The following LENG8 variants were observed in gnomAD, a reference collection of about 807,000 sequenced individuals.
LENG8 encodes leukocyte receptor cluster member 8.
LENG8 carries 28 observed loss-of-function variants against 102.1 expected under a neutral mutation model. The observed-to-expected ratio is 0.27, with a 90% CI of 0.20 to 0.38. The LOEUF (loss-of-function observed/expected upper bound fraction) is 0.38, where lower values mean the gene tolerates loss of function less well. Among genes scored for constraint, LENG8 ranks in the 10% least tolerant of loss-of-function variants. The pLI, the probability that LENG8 is intolerant of heterozygous loss-of-function variation, is 1.00. For synonymous variants in LENG8, 531 were observed against 456.7 expected, an observed-to-expected ratio of 1.16 and a Z score of -2.07; for missense variants, 1,022 against 1,113.9, an observed-to-expected ratio of 0.92 and a Z score of 1.17.
Position 54,455,059 on chromosome 19 carries a change from C to T in LENG8, c.788C>T (p.Pro263Leu). Residue 263 changes from proline (P) to leucine (L), a missense_variant, in exon 7 of 16, where the codon CCC becomes CTC. Coordinates refer to ENST00000326764, the MANE Select transcript of LENG8 (RefSeq NM_052925.4). Reference protein sequence around the residue: ...NAEGQHSGFGPQPNPEKVQNH... With the variant: ...NAEGQHSGFGLQPNPEKVQNH... The stretch of plus-strand genomic sequence containing the variant: ...GAGGGCCAGCACAGTGGTTTTGGCC[C>T]CCAGCCCAACCCTGAGAAAGTTCAG... 6.2e-7 allele frequency: 1 copy of T among 1,614,200 alleles called. No homozygotes were observed. Among genetic ancestry groups the T allele is most frequent in the Non-Finnish European group, 8.5e-7 (1 of 1,180,034 alleles).
At position 54,461,834 on chromosome 19, in the gene LENG8, T is replaced by C; in HGVS notation, c.*906T>C. 2.1e-6 allele frequency: 1 copy of C among 469,306 alleles called. No homozygotes were observed. Among genetic ancestry groups the C allele is most frequent in the Non-Finnish European group, 4.4e-6 (1 of 228,500 alleles). 29.1% of individuals were successfully genotyped at this position (469,306 alleles called of 1,614,324 possible). On this transcript the variant is annotated 3_prime_UTR_variant, in exon 16 of 16. Coordinates refer to ENST00000326764, the MANE Select transcript of LENG8 (RefSeq NM_052925.4). Reference sequence around the variant, plus strand: ...CTCCCTCCCTCTTCTGCCATGTAACTGGAGGATGTGCTATGAGTTTGCAAA... The same window carrying C: ...CTCCCTCCCTCTTCTGCCATGTAACCGGAGGATGTGCTATGAGTTTGCAAA...
chr19:54,457,150 C>G (rs1304689300), intron 11 of LENG8, among the ~76,000 whole-genome samples: 1 of 152,272 alleles, frequency 6.6e-6, no homozygotes, highest in Non-Finnish European at 1.5e-5. Context: ...CGCTTGACCT[C>G]TGGGCCGTGG....
intron 15 of LENG8, chr19:54,460,163 T>C: frequency 7.8e-7 from 1 of 1,289,980 alleles, no homozygotes; most frequent in African/African-American, 1.5e-5. Flanking sequence ...TAGGACTTAG[T>C]GCCCCTCACT....
intron 15 of LENG8, chr19:54,459,973 T>G: frequency 8.2e-7 from 1 of 1,225,252 alleles, no homozygotes; most frequent in South Asian, 1.4e-5. Flanking sequence ...TGGCCTTGGT[T>G]GGGAACATAG....
intron 1 of LENG8, 112 bp downstream of exon 1, chr19:54,449,422 A>C (rs2123026935): frequency 6.6e-6 from 1 of 152,086 alleles, no homozygotes. Context: ...GCCGCGCGCG[A>C]GCGTCGACAG....
At position 54,461,285 on chromosome 19, in the gene LENG8, A is replaced by G. The variant is rs931090709; in HGVS notation, c.*357A>G. 1.3e-5 allele frequency: 6 copies of G among 474,674 alleles called. No individual in the cohort carries two copies. The highest frequency in any genetic ancestry group is 2.1e-5 in the Non-Finnish European group (5 of 242,256). The allele number at this position is 474,674 out of a possible 1,614,324, so 29.4% of individuals were successfully genotyped here. On this transcript the variant is annotated 3_prime_UTR_variant, in exon 16 of 16. Coordinates refer to ENST00000326764, the MANE Select transcript of LENG8 (RefSeq NM_052925.4). ...GGTACCCGACCCGGCGCCCTGGCCCATCCCATGCCGGGGGGCCAGTGGAAA... is the reference window on the plus strand; with the variant it reads ...GGTACCCGACCCGGCGCCCTGGCCCGTCCCATGCCGGGGGGCCAGTGGAAA...
In LENG8 at chr19:54,452,203, G is replaced by T; in HGVS notation, c.149G>T (p.Ser50Ile). 3 of 1,614,096 alleles carry T rather than the reference G, an allele frequency of 1.9e-6. No homozygotes were observed. Among genetic ancestry groups the T allele is most frequent in the Non-Finnish European group, 2.5e-6 (3 of 1,180,010 alleles). ...EKARQALASISKSGAAGGSAK... is the reference protein window; with the variant it reads ...EKARQALASIIKSGAAGGSAK... ...GCCCGTCAGGCCCTGGCCAGCATCA[G>T]CAAGTCAGGAGCTGCCGGCGGCTCT... The change falls in exon 3 of 16, where the codon AGC becomes ATC. Residue 50 changes from serine to isoleucine, a missense_variant. Physicochemically the swap from Ser to Ile is moderately radical, Grantham distance 142. Around this residue, in one of 7 missense-constraint regions of LENG8, gnomAD observed 343 missense variants for 320.2 expected, o/e 1.07. Transcript: ENST00000326764.
chr19:54,460,265 T>TGCTC, intron 15 of LENG8: 1 of 1,277,738 alleles, frequency 7.8e-7, no homozygotes, highest in Non-Finnish European at 1.0e-6. Context: ...TCGTGCTAGA[T>TGCTC]GCTCAGTCAG....
At chr19:54,460,573 C>A in intron 15 of LENG8, 193 bp from the exon 16 acceptor site, 1 of 1,410,574 alleles carries the variant, frequency 7.1e-7, no homozygotes. Context: ...GCACAGGGGA[C>A]TGGGGTCACT....
chr19:54,452,155 A>G lies in LENG8; in HGVS notation c.101A>G (p.His34Arg), dbSNP rs774110417. Residue 34 changes from histidine to arginine, a missense_variant, in exon 3 of 16, where the codon CAC becomes CGC. Around this residue, in one of 7 missense-constraint regions of LENG8, gnomAD observed 5 missense variants for 23.0 expected, o/e 0.22. Coordinates refer to ENST00000326764, the MANE Select transcript of LENG8 (RefSeq NM_052925.4). ...GAGAATGGCATGGAGACGCCGATGC[A>G]CGAGAACCCGGAGTGGGAGAAGGCC... is the stretch of plus-strand genomic sequence containing the variant. ...GRENGMETPM[H>R]ENPEWEKARQ... 6.2e-7 allele frequency: 1 copy of G among 1,614,154 alleles called. No homozygotes were observed. Among genetic ancestry groups the G allele is most frequent in the South Asian group, 1.1e-5 (1 of 91,084 alleles).
At chr19:54,460,010 G>T in intron 15 of LENG8, 2 of 1,255,314 alleles carry the variant, frequency 1.6e-6, no homozygotes, top group South Asian at 1.3e-5. Flanking sequence ...TGGGTGGGGC[G>T]CCAGTCTGTC....
intron 6 of LENG8, 51 bp downstream of exon 6, chr19:54,454,733 G>A: frequency 6.6e-7 from 1 of 1,526,392 alleles, no homozygotes; most frequent in Non-Finnish European, 8.8e-7. Context: ...CCTCATAAGA[G>A]CTCCTGGGTG....
intron 15 of LENG8, 186 bp downstream of exon 15, chr19:54,458,707 A>C (rs984465179): frequency 1.3e-6 from 2 of 1,550,314 alleles, no homozygotes; most frequent in African/African-American, 2.8e-5. Flanking sequence ...CTTGTTGGTC[A>C]CCTCTGTGTT....
rs2084509127 is a variant in LENG8 at position 54,460,864 on chromosome 19, A to G, written c.2339A>G (p.Tyr780Cys). ...RAFLEPLGLAYTGPDNSSIDC... is the reference protein window; with the variant it reads ...RAFLEPLGLACTGPDNSSIDC... ...TTCCTAGAGCCCCTGGGCCTGGCCT[A>G]CACGGGCCCGGACAACTCCAGCATC... The change falls in exon 16 of 16, where the codon TAC (tyrosine) becomes TGC (cysteine). Residue 780 changes from tyrosine (Y) to cysteine (C), a missense_variant. Transcript: ENST00000326764. 1.3e-6 allele frequency: 2 copies of G among 1,564,576 alleles called. No homozygotes were observed. Among genetic ancestry groups the G allele is most frequent in the African/African-American group, 1.4e-5 (1 of 73,512 alleles).
intron 11 of LENG8, 23 bp downstream of exon 11, chr19:54,456,944 C>G: frequency 6.3e-7 from 1 of 1,587,130 alleles, no homozygotes; most frequent in Non-Finnish European, 8.5e-7. Flanking sequence ...CAGGGCAGTT[C>G]TGCTCTGTGA....
Position 54,461,634 on chromosome 19 carries a change from C to T in LENG8, c.*706C>T, listed in dbSNP as rs1309580201. On this transcript the variant is annotated 3_prime_UTR_variant, in exon 16 of 16. Transcript: ENST00000326764. Reference sequence around the variant, plus strand: ...GTGTTTCTTCTGATTTTTTTTTCCCCTTTCCCTCCCTCCCTCTCCGCATTC... The same window carrying T: ...GTGTTTCTTCTGATTTTTTTTTCCCTTTTCCCTCCCTCCCTCTCCGCATTC... 6.3e-6 allele frequency: 3 copies of T among 473,782 alleles called. No homozygotes were observed. The Admixed American group carries it at 7.1e-5, about 11-fold the overall frequency. The allele number at this position is 473,782 out of a possible 1,614,324, so 29.3% of individuals were successfully genotyped here.
intron 1 of LENG8, among the ~76,000 whole-genome samples, chr19:54,451,028 C>T (rs972985047): frequency 1.3e-5 from 2 of 152,146 alleles, no homozygotes; most frequent in African/African-American, 4.8e-5. Flanking sequence ...TTCTCCTTCC[C>T]TTTGGGAAGT....
At chr19:54,455,613 G>A (rs1325518411) in intron 8 of LENG8, 46 bp downstream of exon 8, 7 of 1,526,320 alleles carry the variant, frequency 4.6e-6, no homozygotes, top group Non-Finnish European at 6.2e-6. Flanking sequence ...TGCTGTGAGA[G>A]GCATGGGCTG....
At chr19:54,453,800 G>C in intron 5 of LENG8, 144 bp downstream of exon 5, 1 of 640,852 alleles carries the variant, frequency 1.6e-6, no homozygotes, top group South Asian at 1.9e-5. Context: ...GAGGAGGACA[G>C]AGCATAGTGT....
Sources: allele counts gnomAD v4.1 joint callset (sites outside exome capture counted in the v4.1 genomes callset), GRCh38; gene constraint gnomAD v4.1.1; regional missense constraint gnomAD v4.1.1; transcripts MANE v1.5; gene names NCBI Gene and HGNC (gene_info 2026-07-23, HGNC 2026-07-21).